KCNC2: variants seen among roughly 807,000 people sequenced by gnomAD.
KCNC2 encodes potassium voltage-gated channel subfamily C member 2.
A neutral mutation model predicts 44.5 loss-of-function variants in KCNC2; 21 were observed. The ratio of observed to expected loss-of-function variants is 0.47; its 90% confidence interval spans 0.33 to 0.68. The LOEUF is 0.68. KCNC2 is among the 30% of genes least tolerant of loss of function. The pLI is 0.01. For missense variants in KCNC2, 589 were observed against 826.2 expected, an observed-to-expected ratio of 0.71 and a Z score of 3.52; for synonymous variants, 391 against 339.1, an observed-to-expected ratio of 1.15 and a Z score of -1.68.
At chr12:75,073,569 C>A (rs1883624910) in intron 2 of KCNC2, among the ~76,000 whole-genome samples, 1 of 152,028 alleles carries the variant, frequency 6.6e-6, no homozygotes, top group African/African-American at 2.4e-5. Context: ...TGTTTGTTTT[C>A]TTGCTTAAAA....
chr12:75,071,937 C>CAAAAAAAAAAAAA lies in KCNC2; in HGVS notation c.688-20633_688-20621dup, dbSNP rs751849483. Among the ~76,000 whole-genome samples, 20 of 67,360 alleles carry CAAAAAAAAAAAAA rather than the reference C, an allele frequency of 3.0e-4. 2 individuals are homozygous for CAAAAAAAAAAAAA. Among genetic ancestry groups the CAAAAAAAAAAAAA allele is most frequent in the African/African-American group, 1.5e-3 (19 of 12,372 alleles). 44.2% of individuals were successfully genotyped at this position (67,360 alleles called of 152,430 possible). A position where few individuals can be genotyped will look rare whatever the true frequency, so the allele number is the denominator to read the frequency against. Reference sequence around the variant, plus strand: ...TGGGCGACAGAGCGAGACTCCTTCTCAAAAAAAAAAAAAAAAAAAAAAAAA... The same window carrying CAAAAAAAAAAAAA: ...TGGGCGACAGAGCGAGACTCCTTCTCAAAAAAAAAAAAAAAAAAAAAAAAAAAAAAAAAAAAAA... On this transcript the variant is annotated intron_variant, in intron 2 of 4. Coordinates refer to ENST00000549446, the MANE Select transcript of KCNC2 (RefSeq NM_139137.4).
At chr12:75,067,470 T>C (rs1413133364) in intron 2 of KCNC2, among the ~76,000 whole-genome samples, 1 of 152,114 alleles carries the variant, frequency 6.6e-6, no homozygotes, top group East Asian at 1.9e-4. Flanking sequence ...ACATGACAGA[T>C]ATGAACAGTC....
chr12:75,129,689 A>ATTGCG (rs1315414435), intron 2 of KCNC2, among the ~76,000 whole-genome samples: 2 of 152,100 alleles, frequency 1.3e-5, no homozygotes, highest in Non-Finnish European at 2.9e-5. Context: ...AATCTCTTTC[A>ATTGCG]TGATGTGGAT....
intron 2 of KCNC2, among the ~76,000 whole-genome samples, chr12:75,138,727 T>A (rs1399209651): frequency 1.3e-5 from 2 of 152,010 alleles, no homozygotes; most frequent in Non-Finnish European, 2.9e-5. Context: ...ATGCTTATAA[T>A]CCCAGCACTG....
intron 2 of KCNC2, among the ~76,000 whole-genome samples, chr12:75,203,335 T>A (rs2031442971): frequency 1.3e-5 from 2 of 151,822 alleles, no homozygotes; most frequent in African/African-American, 4.8e-5. Flanking sequence ...GAAATTAAAA[T>A]TTCCATTTTA....
chr12:75,144,161 T>G (rs1298875378), intron 2 of KCNC2, among the ~76,000 whole-genome samples: 1 of 152,244 alleles, frequency 6.6e-6, no homozygotes, highest in African/African-American at 2.4e-5. Context: ...CTGATGAATA[T>G]TAACCATCAT....
chr12:75,157,748 C>T (rs1041487359), intron 2 of KCNC2, among the ~76,000 whole-genome samples: 3 of 151,858 alleles, frequency 2.0e-5, no homozygotes, highest in Non-Finnish European at 4.4e-5. Flanking sequence ...CTGAATGAGA[C>T]TCTGAATGAC....
intron 2 of KCNC2, among the ~76,000 whole-genome samples, chr12:75,108,511 GT>G (rs1313037203): frequency 6.6e-6 from 1 of 152,110 alleles, no homozygotes; most frequent in Non-Finnish European, 1.5e-5. Context: ...CTCTAATACT[GT>G]TGCTTAACCA....
intron 2 of KCNC2, among the ~76,000 whole-genome samples, chr12:75,133,091 G>T (rs953670385): frequency 6.6e-6 from 1 of 151,792 alleles, no homozygotes; most frequent in Non-Finnish European, 1.5e-5. Context: ...TTATACCCTA[G>T]TTTTTCTCCA....
At chr12:75,067,322 T>C (rs1228859952) in intron 2 of KCNC2, among the ~76,000 whole-genome samples, 1 of 152,248 alleles carries the variant, frequency 6.6e-6, no homozygotes, top group African/African-American at 2.4e-5. Context: ...ATGGAATTCA[T>C]ATGCAGTTCT....
At chr12:75,171,765 A>G (rs1418111667) in intron 2 of KCNC2, among the ~76,000 whole-genome samples, 2 of 151,974 alleles carry the variant, frequency 1.3e-5, no homozygotes, top group South Asian at 2.1e-4. Context: ...GAGAAGATTT[A>G]GAATGTTCCC....
chr12:75,121,889 C>T (rs1162677613), intron 2 of KCNC2, among the ~76,000 whole-genome samples: 1 of 151,968 alleles, frequency 6.6e-6, no homozygotes, highest in Non-Finnish European at 1.5e-5. Context: ...CTGAGTTTTC[C>T]CAAAGATCTC....
chr12:75,060,207 C>G (rs1161455601), intron 2 of KCNC2, among the ~76,000 whole-genome samples: 2 of 151,992 alleles, frequency 1.3e-5, no homozygotes, highest in African/African-American at 4.8e-5. Flanking sequence ...ACCAAGAATC[C>G]TTTTTCTTCC....
At position 75,042,182 on chromosome 12, in the gene KCNC2, T is replaced by A; in HGVS notation, c.*923A>T. 1 of 1,309,110 alleles carries A rather than the reference T, an allele frequency of 7.6e-7. No individual in the cohort carries two copies. 81.1% of individuals were successfully genotyped at this position (1,309,110 alleles called of 1,614,324 possible). ...TGGGTGATATTTGGCACTCTGCCTCTGAAAATGATGACAAACCCTGGGTAT... is the reference window on the plus strand; with the variant it reads ...TGGGTGATATTTGGCACTCTGCCTCAGAAAATGATGACAAACCCTGGGTAT... On this transcript the variant is annotated 3_prime_UTR_variant, in exon 5 of 5. Transcript: ENST00000549446.
chr12:75,189,717 A>G (rs2030009622), intron 2 of KCNC2, among the ~76,000 whole-genome samples: 1 of 152,204 alleles, frequency 6.6e-6, no homozygotes, highest in South Asian at 2.1e-4. Flanking sequence ...CACCGCATTC[A>G]GAGTGAAGTT....
chr12:75,115,348 A>G (rs1186235675), intron 2 of KCNC2, among the ~76,000 whole-genome samples: 1 of 152,234 alleles, frequency 6.6e-6, no homozygotes, highest in African/African-American at 2.4e-5. Flanking sequence ...TGAGGTAGGC[A>G]TGGTTATTCA....
At chr12:75,066,302 T>TA (rs1882827937) in intron 2 of KCNC2, among the ~76,000 whole-genome samples, 1 of 152,186 alleles carries the variant, frequency 6.6e-6, no homozygotes, top group Non-Finnish European at 1.5e-5. Context: ...AAGCTTGAGC[T>TA]ATACAAAGTG....
chr12:75,095,351 C>A (rs1362158907), intron 2 of KCNC2, among the ~76,000 whole-genome samples: 3 of 151,772 alleles, frequency 2.0e-5, no homozygotes, highest in African/African-American at 4.8e-5. Context: ...TTGGTTTAAT[C>A]TCCCACTGTT....
Position 75,042,370 on chromosome 12 carries a change from G to A in KCNC2, c.*735C>T. ...AACCAGTAATGACAACCTCTTTGCA[G>A]TTATCTGTGTGCAAACAACCAGAGA... is the stretch of plus-strand genomic sequence containing the variant. On this transcript the variant is annotated 3_prime_UTR_variant, in exon 5 of 5. Coordinates refer to ENST00000549446, the MANE Select transcript of KCNC2 (RefSeq NM_139137.4). 6.2e-7 allele frequency: 1 copy of A among 1,611,082 alleles called. No homozygotes were observed. The highest frequency in any genetic ancestry group is 8.5e-7 in the Non-Finnish European group (1 of 1,178,094).
Sources: gnomAD v4.1 joint callset for allele counts (sites outside exome capture counted in the v4.1 genomes callset) on GRCh38, gnomAD v4.1.1 for gene constraint, MANE v1.5 for transcripts, NCBI Gene and HGNC (gene_info 2026-07-23, HGNC 2026-07-21) for gene names.